Variants in RIF1 observed in about 807,000 individuals in gnomAD.
RIF1 encodes the protein replication timing regulatory factor 1, also known as telomere-associated protein RIF1.
Under a neutral mutation model 247.1 loss-of-function variants are expected in RIF1, and 45 were observed. That is an observed-to-expected ratio of 0.18 (90% CI 0.14 to 0.23). The LOEUF (loss-of-function observed/expected upper bound fraction) is 0.23. Among genes scored for constraint, RIF1 ranks in the 10% least tolerant of loss-of-function variants. The pLI, the probability that RIF1 is intolerant of heterozygous loss-of-function variation, is 1.00. For synonymous variants in RIF1, 1,087 were observed against 978.8 expected, an observed-to-expected ratio of 1.11 and a Z score of -2.06; for missense variants, 2,967 against 2,862.5, an observed-to-expected ratio of 1.04 and a Z score of -0.83.
At chr2:151,493,096 A>G in intron 9 of RIF1, 1 of 401,412 alleles carries the variant, frequency 2.5e-6, no homozygotes, top group East Asian at 4.7e-5. Context: ...GGGAAGGAAA[A>G]CATTGGCAAT....
At chr2:151,519,042 G>C in the RIF1 span, 1 of 1,613,258 alleles carries the variant, frequency 6.2e-7, no homozygotes, top group South Asian at 1.1e-5. Context: ...GGTTTGTGAA[G>C]TTTCTTCAGG....
chr2:151,493,830 G>A (rs996202221), intron 9 of RIF1: 4 of 1,586,410 alleles, frequency 2.5e-6, no homozygotes, highest in Non-Finnish European at 3.4e-6. Context: ...AGTAAAGGGT[G>A]TGGGGGTTGC....
chr2:151,442,054 T>TTTTATTTTATTTTAA (rs1553484177), intron 16 of RIF1, 63 bp downstream of exon 16: 2 of 247,228 alleles, frequency 8.1e-6, no homozygotes, highest in African/African-American at 4.8e-5. Context: ...CCCTTTTTTA[T>TTTTATTTTATTTTAA]TTTATTTTAT....
At chr2:151,506,298 A>G in exon 13 of RIF1, 2 of 1,459,596 alleles carry the variant, frequency 1.4e-6, no homozygotes, top group Non-Finnish European at 1.9e-6. Context: ...CACAGAAGAA[A>G]AGAAAACCCA....
At chr2:151,526,073 G>A in the RIF1 span, 3 of 1,613,458 alleles carry the variant, frequency 1.9e-6, no homozygotes, top group African/African-American at 1.3e-5. Flanking sequence ...CTTGTTCTGG[G>A]GGAATCCATA....
intron 8 of RIF1, 83 bp downstream of exon 8, chr2:151,423,125 C>A: frequency 1.3e-6 from 1 of 751,888 alleles, no homozygotes; most frequent in Non-Finnish European, 2.3e-6. Flanking sequence ...ACAGTTGATG[C>A]TCATTATTTC....
At chr2:151,495,338 G>T (rs1334003599) in intron 10 of RIF1, 1 of 152,196 alleles carries the variant, frequency 6.6e-6, no homozygotes, top group African/African-American at 2.4e-5. Context: ...TCAGTAATGA[G>T]AACTTGTTAA....
Position 151,451,825 on chromosome 2 carries a change from C to T in RIF1, c.2344+120C>T, listed in dbSNP as rs1694364737. ...TTACTAACTTTTGATCTTGTTTAAC[C>T]ATGTTAGTTACTATGCTAGGAGCTT... On this transcript the variant is annotated intron_variant, in intron 21 of 35. Coordinates refer to ENST00000444746, the MANE Select transcript of RIF1 (RefSeq NM_018151.5). 1.0e-5 allele frequency: 6 copies of T among 598,466 alleles called. No individual in the cohort carries two copies. In the South Asian group the frequency reaches 1.1e-4, roughly 11 times the overall value. The allele number at this position is 598,466 out of a possible 1,614,324, so 37.1% of individuals were successfully genotyped here. A position where few individuals can be genotyped will look rare whatever the true frequency, so the allele number is the denominator to read the frequency against.
Position 151,480,447 on chromosome 2 carries a change from C to G in RIF1, c.*5376C>G, listed in dbSNP as rs2049119256. 6.6e-6 allele frequency: 1 copy of G among 152,168 alleles called. No homozygotes were observed. The highest frequency in any genetic ancestry group is 2.1e-4 in the South Asian group (1 of 4,836). 9.4% of individuals were successfully genotyped at this position (152,168 alleles called of 1,614,324 possible). On this transcript the variant is annotated 3_prime_UTR_variant, in exon 36 of 36. Transcript: ENST00000444746. ...ATAGTACATTTAGTAGAGAGACAAG[C>G]TGTCCTATATACTCCTGTATACTTC...
At chr2:151,410,315 G>A in intron 1 of RIF1, 99 bp from the exon 2 acceptor site, 1 of 901,968 alleles carries the variant, frequency 1.1e-6, no homozygotes, top group Non-Finnish European at 1.7e-6. Flanking sequence ...TGTGAGGCCC[G>A]GGCGGGCGTG....
Position 151,465,471 on chromosome 2 carries a change from T to C in RIF1, c.5951T>C (p.Leu1984Ser), listed in dbSNP as rs1428428235. The stretch of plus-strand genomic sequence containing the variant: ...TCTGATAATACTACACCTGTAAAAT[T>C]GAATGCTCAAACTGAGATTTCTGAA... ...SLSDNTTPVK[L>S]NAQTEISEQT... Residue 1984 changes from leucine to serine, a missense_variant, in exon 30 of 36, where the codon TTG becomes TCG. Physicochemically the swap from Leu to Ser is moderately radical, Grantham distance 145. Coordinates refer to ENST00000444746, the MANE Select transcript of RIF1 (RefSeq NM_018151.5). 8.1e-6 allele frequency: 13 copies of C among 1,614,076 alleles called. No individual in the cohort carries two copies. Among genetic ancestry groups the C allele is most frequent in the South Asian group, 1.1e-5 (1 of 91,072 alleles).
At chr2:151,516,411 C>T in the RIF1 span, 3 of 1,307,764 alleles carry the variant, frequency 2.3e-6, no homozygotes, top group Non-Finnish European at 3.3e-6. Context: ...AGCTTGTGTT[C>T]AGTAGTGTGA....
chr2:151,500,689 TAGGGTTC>T (rs1179281967), intron 11 of RIF1, among the ~76,000 whole-genome samples: 1 of 148,674 alleles, frequency 6.7e-6, no homozygotes, highest in East Asian at 2.0e-4. Flanking sequence ...CTTGACTTCC[TAGGGTTC>T]AGATGAACCT....
In RIF1 at chr2:151,475,278, T is replaced by C; in HGVS notation, c.*207T>C. 2 of 524,854 alleles carry C rather than the reference T, an allele frequency of 3.8e-6. No individual in the cohort carries two copies. The highest frequency in any genetic ancestry group is 3.4e-5 in the East Asian group (1 of 29,006). The allele number at this position is 524,854 out of a possible 1,614,324, so 32.5% of individuals were successfully genotyped here. ...TCCTTTTTTTTTTCATAATATGTAT[T>C]CTTGGCTGCTATGCGTGGTTTTTCA... On this transcript the variant is annotated 3_prime_UTR_variant, in exon 36 of 36. Coordinates refer to ENST00000444746, the MANE Select transcript of RIF1 (RefSeq NM_018151.5).
At chr2:151,415,419 T>C in intron 4 of RIF1, among the ~76,000 whole-genome samples, 1 of 150,496 alleles carries the variant, frequency 6.6e-6, no homozygotes, top group East Asian at 1.9e-4. Flanking sequence ...AATTTGCTCT[T>C]AAAAATAATG....
chr2:151,519,747 C>T, the RIF1 span: 5 of 1,611,474 alleles, frequency 3.1e-6, no homozygotes, highest in East Asian at 2.2e-5. Context: ...TTTTCTTTAT[C>T]GAAATTTTCT....
At chr2:151,438,979 A>G (rs1691753598) in intron 14 of RIF1, among the ~76,000 whole-genome samples, 1 of 152,220 alleles carries the variant, frequency 6.6e-6, no homozygotes, top group East Asian at 1.9e-4. Context: ...CTCCCCCAGA[A>G]CTTAACTACT....
intron 13 of RIF1, among the ~76,000 whole-genome samples, chr2:151,437,886 G>A (rs1003475511): frequency 9.2e-5 from 14 of 152,272 alleles, no homozygotes; most frequent in African/African-American, 3.1e-4. Flanking sequence ...TGGTAGTACC[G>A]TGTCAAGCTC....
intron 9 of RIF1, chr2:151,491,844 G>A: frequency 2.4e-6 from 3 of 1,275,212 alleles, no homozygotes; most frequent in Middle Eastern, 1.9e-4. Flanking sequence ...ACCAAGGCAT[G>A]AATTTTAACA....
Sources: allele counts gnomAD v4.1 joint callset (sites outside exome capture counted in the v4.1 genomes callset), GRCh38; gene constraint gnomAD v4.1.1; transcripts MANE v1.5; gene names NCBI Gene and HGNC (gene_info 2026-07-23, HGNC 2026-07-21).